KIAA1958: variants seen among roughly 807,000 people sequenced by gnomAD.
The protein encoded by KIAA1958 is uncharacterized protein KIAA1958.
A neutral mutation model predicts 47.2 loss-of-function variants in KIAA1958; 14 were observed. The ratio of observed to expected loss-of-function variants is 0.30; its 90% CI spans 0.20 to 0.46. The LOEUF is 0.46. Among genes scored for constraint, KIAA1958 ranks in the 20% least tolerant of loss-of-function variants. KIAA1958 has a pLI of 1.00. For synonymous variants in KIAA1958, 354 were observed against 353.3 expected (o/e 1.00, Z -0.02); for missense variants, 803 against 909.2 (o/e 0.88, Z 1.50).
chr9:112,521,989 T>TTTATTTATTTA (rs1834553129), intron 1 of KIAA1958, among the ~76,000 whole-genome samples: 1 of 15,930 alleles, frequency 6.3e-5, no homozygotes, highest in Non-Finnish European at 1.8e-4. Flanking sequence ...TTATTTATTT[T>TTTATTTATTTA]GAGACGAGTT....
At position 112,665,790 on chromosome 9, in the gene KIAA1958, G is replaced by A. The variant is rs1656340586; in HGVS notation, c.*5721G>A. The stretch of plus-strand genomic sequence containing the variant: ...TACCTGTCATCTACCTTAAAGGGCA[G>A]ATGGTCATGTGAATTTATTCTAATG... On this transcript the variant is annotated 3_prime_UTR_variant, in exon 4 of 4. Transcript: ENST00000337530. 1 of 152,140 alleles carries A rather than the reference G, an allele frequency of 6.6e-6. No homozygotes were observed. The highest frequency in any genetic ancestry group is 1.5e-5 in the Non-Finnish European group (1 of 68,034). The allele number at this position is 152,140 out of a possible 1,614,324, so 9.4% of individuals were successfully genotyped here. A position where few individuals can be genotyped will look rare whatever the true frequency, so the allele number is the denominator to read the frequency against.
intron 1 of KIAA1958, among the ~76,000 whole-genome samples, chr9:112,505,913 GA>G (rs1312820312): frequency 1.3e-5 from 2 of 152,208 alleles, no homozygotes; most frequent in Admixed American, 1.3e-4. Flanking sequence ...AAACAGCAGT[GA>G]GGGGGGATCA....
chr9:112,534,051 C>T (rs978950809), intron 1 of KIAA1958, among the ~76,000 whole-genome samples: 1 of 152,196 alleles, frequency 6.6e-6, no homozygotes, highest in African/African-American at 2.4e-5. Flanking sequence ...AGCCTGGCCT[C>T]ACCATTTCCT....
At chr9:112,559,100 G>A (rs1421321199) in intron 1 of KIAA1958, among the ~76,000 whole-genome samples, 1 of 152,200 alleles carries the variant, frequency 6.6e-6, no homozygotes, top group Admixed American at 6.5e-5. Context: ...AGCGACCAGG[G>A]ATGAGTTCTT....
In KIAA1958 at chr9:112,575,018, G is replaced by A; in HGVS notation, c.938G>A (p.Ser313Asn). Reference sequence around the variant, plus strand: ...CAGGTGGCCATGCAAATGCCTGTGAGCACATCCCATCCTAACAAACAGATC... The same window carrying A: ...CAGGTGGCCATGCAAATGCCTGTGAACACATCCCATCCTAACAAACAGATC... ...NQQVAMQMPVSTSHPNKQISI... is the reference protein window; with the variant it reads ...NQQVAMQMPVNTSHPNKQISI... Residue 313 changes from serine to asparagine, a missense_variant, in exon 2 of 4, where the codon AGC becomes AAC. This residue lies in a region of KIAA1958 where 761 missense variants were observed against 829.3 expected (regional missense o/e 0.92). Transcript: ENST00000337530. 1 of 1,614,120 alleles carries A rather than the reference G, an allele frequency of 6.2e-7. No homozygotes were observed. Among genetic ancestry groups the A allele is most frequent in the Non-Finnish European group, 8.5e-7 (1 of 1,180,018 alleles).
At chr9:112,649,064 T>C (rs1283078523) in intron 3 of KIAA1958, among the ~76,000 whole-genome samples, 1 of 152,106 alleles carries the variant, frequency 6.6e-6, no homozygotes, top group Non-Finnish European at 1.5e-5. Context: ...TGATGAAAAA[T>C]AAATGCTTAT....
Position 112,552,761 on chromosome 9 carries a change from G to A in KIAA1958, c.-24-21296G>A, listed in dbSNP as rs565161898. ...GAACATTGGCTACAGCTCAGGAAGC[G>A]AGAGGGAGGAGATATCCATTCATGA... is the stretch of plus-strand genomic sequence containing the variant. On this transcript the variant is annotated intron_variant, in intron 1 of 3. Transcript: ENST00000337530. Among the ~76,000 whole-genome samples the A allele has an allele frequency of 1.4e-4, 22 of 151,744 alleles. 1 individual carries two copies. The East Asian group carries it at 3.3e-3, about 23-fold the overall frequency.
intron 1 of KIAA1958, among the ~76,000 whole-genome samples, chr9:112,554,548 A>G (rs1017594183): frequency 9.9e-5 from 15 of 152,144 alleles, no homozygotes; most frequent in Non-Finnish European, 2.2e-4. Flanking sequence ...AATGTCCAAA[A>G]GTAAAGGATT....
At chr9:112,548,553 T>G (rs10156453) in intron 1 of KIAA1958, among the ~76,000 whole-genome samples, 1 of 152,294 alleles carries the variant, frequency 6.6e-6, no homozygotes, top group South Asian at 2.1e-4. Flanking sequence ...CTTTGTGTCA[T>G]CATATCCAAA....
At chr9:112,563,079 C>CTATA (rs1376012422) in intron 1 of KIAA1958, among the ~76,000 whole-genome samples, 81 of 75,934 alleles carry the variant, frequency 1.1e-3, no homozygotes, top group African/African-American at 5.2e-3. Context: ...CTCTCTCTCT[C>CTATA]TCTCTCTATA....
intron 1 of KIAA1958, among the ~76,000 whole-genome samples, chr9:112,497,003 C>T (rs1834059981): frequency 6.6e-6 from 1 of 152,054 alleles, no homozygotes; most frequent in Admixed American, 6.6e-5. Context: ...TTGTTATTGT[C>T]CACCTATTTT....
chr9:112,534,958 T>A (rs10126041), intron 1 of KIAA1958, among the ~76,000 whole-genome samples: 1 of 152,202 alleles, frequency 6.6e-6, no homozygotes, highest in Non-Finnish European at 1.5e-5. Flanking sequence ...CTCTTGACTT[T>A]GTTGTGTGTT....
intron 1 of KIAA1958, among the ~76,000 whole-genome samples, chr9:112,550,557 ATTG>A (rs776500647): frequency 2.0e-5 from 3 of 152,184 alleles, no homozygotes; most frequent in Non-Finnish European, 4.4e-5. Context: ...GCTCACAGTT[ATTG>A]TTACTACAGC....
At chr9:112,532,579 G>T (rs771688764) in intron 1 of KIAA1958, among the ~76,000 whole-genome samples, 3 of 152,180 alleles carry the variant, frequency 2.0e-5, no homozygotes, top group Non-Finnish European at 2.9e-5. Flanking sequence ...AGGTTCTGAT[G>T]TGTGTATAAA....
In KIAA1958 at chr9:112,487,418, G is replaced by C. The variant is rs551418476; in HGVS notation, c.-25+300G>C. Among the ~76,000 whole-genome samples the C allele has an allele frequency of 8.9e-3, 1,357 of 152,090 alleles. 9 individuals carry two copies. Among genetic ancestry groups the C allele is most frequent in the Middle Eastern group, 0.021 (6 of 292 alleles). Reference sequence around the variant, plus strand: ...GGCCGCCCCGCCGCCCGGCAGCTCGGGTCTCAGCGGCGGCTGCAGGCGCAG... The same window carrying C: ...GGCCGCCCCGCCGCCCGGCAGCTCGCGTCTCAGCGGCGGCTGCAGGCGCAG... On this transcript the variant is annotated intron_variant, in intron 1 of 3. Transcript: ENST00000337530.
At chr9:112,539,339 A>G (rs1200330156) in intron 1 of KIAA1958, among the ~76,000 whole-genome samples, 1 of 152,246 alleles carries the variant, frequency 6.6e-6, no homozygotes, top group African/African-American at 2.4e-5. Flanking sequence ...GTTTCTCCAC[A>G]CAATGGAATA....
intron 1 of KIAA1958, among the ~76,000 whole-genome samples, chr9:112,540,586 A>T (rs1445651980): frequency 1.3e-5 from 2 of 152,222 alleles, no homozygotes; most frequent in Non-Finnish European, 2.9e-5. Flanking sequence ...TTACATATTT[A>T]AAAATTTTAG....
chr9:112,597,650 T>C (rs1316682819), intron 2 of KIAA1958, among the ~76,000 whole-genome samples: 4 of 152,180 alleles, frequency 2.6e-5, no homozygotes, highest in African/African-American at 4.8e-5. Context: ...CTTCGTTAGA[T>C]GGAAATCAGA....
intron 1 of KIAA1958, among the ~76,000 whole-genome samples, chr9:112,567,123 GT>G (rs1170190283): frequency 6.6e-6 from 1 of 152,052 alleles, no homozygotes; most frequent in Admixed American, 6.6e-5. Context: ...ATACTCTAAG[GT>G]GTCAAAAACC....
Sources: gnomAD v4.1 joint callset for allele counts (sites outside exome capture counted in the v4.1 genomes callset) on GRCh38, gnomAD v4.1.1 for gene constraint, gnomAD v4.1.1 regional missense constraint, MANE v1.5 for transcripts, NCBI Gene and HGNC (gene_info 2026-07-23, HGNC 2026-07-21) for gene names.